CTNNA2: variants seen among roughly 807,000 people sequenced by gnomAD.
CTNNA2 encodes the protein catenin alpha-2.
In CTNNA2, 42 loss-of-function variants were observed where a neutral mutation model predicts 101.0. That is an observed-to-expected ratio of 0.42 (90% CI 0.32 to 0.54). The LOEUF is 0.54. Among genes scored for constraint, CTNNA2 ranks in the 20% least tolerant of loss-of-function variants. The pLI, the probability that CTNNA2 is intolerant of heterozygous loss-of-function variation, is 0.14. For missense variants in CTNNA2, 871 were observed against 1,223.1 expected (o/e 0.71, Z 4.29); for synonymous variants, 450 against 456.4 (o/e 0.99, Z 0.18).
At chr2:80,462,631 C>CTTTTTTTTTT (rs753815778) in intron 9 of CTNNA2, among the ~76,000 whole-genome samples, 63 of 94,762 alleles carry the variant, frequency 6.6e-4, no homozygotes, top group African/African-American at 1.7e-3. Flanking sequence ...TTCTTTCTTT[C>CTTTTTTTTTT]TTTTTTTTTT....
intron 6 of CTNNA2, among the ~76,000 whole-genome samples, chr2:79,875,833 A>C (rs1001366251): frequency 3.3e-5 from 5 of 152,168 alleles, no homozygotes; most frequent in African/African-American, 1.2e-4. Context: ...GCAGCGAGCA[A>C]CTGAAAATTC....
At chr2:79,243,626 GA>G (rs1674662633) in intron 2 of CTNNA2, among the ~76,000 whole-genome samples, 2 of 152,166 alleles carry the variant, frequency 1.3e-5, no homozygotes, top group Non-Finnish European at 2.9e-5. Context: ...GAAAAATACT[GA>G]ATAACTAATT....
chr2:79,243,001 C>CACACACACAT lies in CTNNA2; in HGVS notation c.-406+44934_-406+44935insTACACACACA, dbSNP rs1553385605. ...ATATATATATATATATATACACACA[C>CACACACACAT]ACACACACACACACACACACACACA... is the stretch of plus-strand genomic sequence containing the variant. On this transcript the variant is annotated intron_variant, in intron 2 of 21. Coordinates refer to the CTNNA2 transcript ENST00000466387. Among the ~76,000 whole-genome samples, 396 of 122,694 alleles carry CACACACACAT rather than the reference C, an allele frequency of 3.2e-3. 1 individual carries two copies. Among genetic ancestry groups the CACACACACAT allele is most frequent in the Admixed American group, 9.0e-3 (108 of 12,002 alleles). The allele number at this position is 122,694 out of a possible 152,430, so 80.5% of individuals were successfully genotyped here.
intron 3 of CTNNA2, among the ~76,000 whole-genome samples, chr2:79,314,815 C>A: frequency 6.6e-6 from 1 of 152,304 alleles, no homozygotes; most frequent in South Asian, 2.1e-4. Flanking sequence ...AAAGGCTACA[C>A]TGTGTTTCCT....
intron 7 of CTNNA2, among the ~76,000 whole-genome samples, chr2:80,326,652 A>T (rs115702133): frequency 0.012 from 1,884 of 151,584 alleles, 30 homozygotes; most frequent in African/African-American, 0.04. Flanking sequence ...ATTTTTTTTT[A>T]AAAAAAGAGA....
intron 1 of CTNNA2, among the ~76,000 whole-genome samples, chr2:79,594,840 TATC>T (rs774680886): frequency 1.3e-5 from 2 of 152,306 alleles, no homozygotes; most frequent in East Asian, 3.9e-4. Context: ...ATATCATCAT[TATC>T]ATTATTATCA....
Position 80,522,866 on chromosome 2 carries a change from T to C in CTNNA2, c.1291-22116T>C, listed in dbSNP as rs562828073. Among the ~76,000 whole-genome samples the C allele has an allele frequency of 2.7e-3, 408 of 152,304 alleles. 1 individual carries two copies. The highest frequency in any genetic ancestry group is 6.8e-3 in the Middle Eastern group (2 of 294). ...TTACCCAGTCTCAGGTATGTCTTTG[T>C]AGCAGCGTGAGAATAGACTAATACA... On this transcript the variant is annotated intron_variant, in intron 9 of 18. Transcript: ENST00000402739.
chr2:80,302,049 G>T lies in CTNNA2; in HGVS notation c.1057-91162G>T. Reference sequence around the variant, plus strand: ...ACTGTCCTGAAGGTTGTGGGGTGGGGTTTTTTGTTGTGTTTTAATTCGCTT... The same window carrying T: ...ACTGTCCTGAAGGTTGTGGGGTGGGTTTTTTTGTTGTGTTTTAATTCGCTT... On this transcript the variant is annotated intron_variant, in intron 7 of 18. Transcript: ENST00000402739. The surrounding 1 kb of genome is among the most constrained non-coding windows in gnomAD (Gnocchi z 6.4). 1.5e-6 allele frequency: 1 copy of T among 647,294 alleles called. No homozygotes were observed. The highest frequency in any genetic ancestry group is 2.5e-6 in the Non-Finnish European group (1 of 399,128). 40.1% of individuals were successfully genotyped at this position (647,294 alleles called of 1,614,324 possible).
chr2:80,346,592 T>C (rs143101440), intron 7 of CTNNA2, among the ~76,000 whole-genome samples: 5 of 152,326 alleles, frequency 3.3e-5, no homozygotes, highest in African/African-American at 1.2e-4. Context: ...GCTTTCTGCT[T>C]ATACTCCTCA....
chr2:79,958,741 ATAAAC>A (rs1558675655), intron 7 of CTNNA2, among the ~76,000 whole-genome samples: 4 of 152,148 alleles, frequency 2.6e-5, no homozygotes, highest in African/African-American at 9.7e-5. Flanking sequence ...TAGCACAAGA[ATAAAC>A]AATACACTTT....
intron 2 of CTNNA2, among the ~76,000 whole-genome samples, chr2:79,298,011 C>A (rs573824987): frequency 4.6e-5 from 7 of 152,298 alleles, no homozygotes; most frequent in Non-Finnish European, 1.0e-4. Flanking sequence ...TATTTCTAAA[C>A]CAATGCGTCA....
intron 9 of CTNNA2, among the ~76,000 whole-genome samples, chr2:80,425,682 T>C (rs544863898): frequency 2.0e-4 from 31 of 152,346 alleles, no homozygotes; most frequent in African/African-American, 7.5e-4. Context: ...AATGATAGTA[T>C]ATTCAGTTTG....
At chr2:80,258,976 G>C (rs551004484) in intron 7 of CTNNA2, among the ~76,000 whole-genome samples, 1 of 152,126 alleles carries the variant, frequency 6.6e-6, no homozygotes. Flanking sequence ...TTAAAAAGGA[G>C]AAGTGCTTTG....
chr2:79,295,290 T>C (rs1029269863), intron 2 of CTNNA2, among the ~76,000 whole-genome samples: 5 of 152,090 alleles, frequency 3.3e-5, no homozygotes, highest in Admixed American at 2.0e-4. Flanking sequence ...GCAAAGCCAC[T>C]TACTCAACTT....
At chr2:79,561,556 T>G (rs192693211) in intron 1 of CTNNA2, among the ~76,000 whole-genome samples, 1 of 152,122 alleles carries the variant, frequency 6.6e-6, no homozygotes, top group East Asian at 1.9e-4. Context: ...CCTCCAGCAG[T>G]ATGAAGATTC....
rs74830611 is a variant in CTNNA2, at chr2:79,708,130, T to G, written c.103-36257T>G. Among the ~76,000 whole-genome samples the G allele has an allele frequency of 5.2e-3, 786 of 152,324 alleles. 8 individuals carry two copies. Among genetic ancestry groups the G allele is most frequent in the African/African-American group, 0.017 (720 of 41,584 alleles). On this transcript the variant is annotated intron_variant, in intron 2 of 18. Coordinates refer to ENST00000402739, the MANE Select transcript of CTNNA2 (RefSeq NM_001282597.3). The stretch of plus-strand genomic sequence containing the variant: ...CTGATTTTTAGTTAGATCAAGTGAT[T>G]GTAGAGGAAGTTACATTATGCCATT...
At chr2:79,195,384 G>T (rs990915773) in intron 1 of CTNNA2, among the ~76,000 whole-genome samples, 9 of 152,092 alleles carry the variant, frequency 5.9e-5, no homozygotes, top group African/African-American at 2.2e-4. Flanking sequence ...TTCCTGTGGG[G>T]TGTCCTTTCT....
At chr2:80,372,887 G>A (rs1303261219) in intron 7 of CTNNA2, among the ~76,000 whole-genome samples, 3 of 152,104 alleles carry the variant, frequency 2.0e-5, no homozygotes, top group Non-Finnish European at 2.9e-5. Context: ...GCCATAACTG[G>A]GGGAAAAATA....
chr2:80,116,346 T>C (rs1346495498), intron 7 of CTNNA2, among the ~76,000 whole-genome samples: 3 of 145,212 alleles, frequency 2.1e-5, no homozygotes, highest in Non-Finnish European at 4.5e-5. Context: ...GACTCATTCA[T>C]AGTTTTTACA....
Sources: allele counts gnomAD v4.1 joint callset (sites outside exome capture counted in the v4.1 genomes callset), GRCh38; gene constraint gnomAD v4.1.1; non-coding constraint Gnocchi (gnomAD v3.1); transcripts MANE v1.5; gene names NCBI Gene and HGNC (gene_info 2026-07-23, HGNC 2026-07-21).